Variants in CSMD2 observed in about 807,000 individuals in gnomAD.
CSMD2 encodes the protein CUB and Sushi multiple domains 2.
In CSMD2, 130 loss-of-function variants were observed where a neutral mutation model predicts 398.5. That is an observed-to-expected ratio of 0.33 (90% CI 0.28 to 0.38). CSMD2 has a LOEUF of 0.38. CSMD2 is among the 10% of genes least tolerant of loss of function. The probability of loss-of-function intolerance (pLI) is 1.00; values close to 1 mark genes in which losing one functional copy is unlikely to be tolerated. For missense variants in CSMD2, 3,829 were observed against 4,764.9 expected, an observed-to-expected ratio of 0.80 and a Z score of 5.78; for synonymous variants, 1,828 against 1,908.5, an observed-to-expected ratio of 0.96 and a Z score of 1.10.
chr1:33,654,084 G>C, intron 27 of CSMD2, among the ~76,000 whole-genome samples: 1 of 152,126 alleles, frequency 6.6e-6, no homozygotes, highest in East Asian at 1.9e-4. Flanking sequence ...GGCCATAAGA[G>C]CCCTAATGTG....
At chr1:33,891,627 T>A (rs1265087768) in intron 5 of CSMD2, among the ~76,000 whole-genome samples, 2 of 151,748 alleles carry the variant, frequency 1.3e-5, no homozygotes, top group Non-Finnish European at 2.9e-5. Context: ...TTATTCACAA[T>A]AGCAAAGACT....
In CSMD2 at chr1:34,032,659, G is replaced by A; in HGVS notation, c.452C>T (p.Thr151Ile). 2 of 1,602,942 alleles carry A rather than the reference G, an allele frequency of 1.2e-6. No homozygotes were observed. The highest frequency in any genetic ancestry group is 8.5e-7 in the Non-Finnish European group (1 of 1,174,848). Residue 151 changes from threonine (T) to isoleucine (I), a missense_variant, in exon 3 of 71, where the codon ACC (threonine) becomes ATC (isoleucine). Physicochemically the swap from Thr to Ile is moderately conservative, Grantham distance 89. Coordinates refer to ENST00000373381, the MANE Select transcript of CSMD2 (RefSeq NM_001281956.2). ...GTCGCTGATGAGGCGCAGAGAGAGG[G>A]TGGTGGCTGCACTAACAATGGTGGC... Reference protein sequence around the residue: ...LPATIVSAATTLSLRLISDYA... With the variant: ...LPATIVSAATILSLRLISDYA...
intron 29 of CSMD2, among the ~76,000 whole-genome samples, chr1:33,642,767 C>T (rs1643186649): frequency 6.6e-6 from 1 of 152,100 alleles, no homozygotes; most frequent in Non-Finnish European, 1.5e-5. Context: ...GAGTGGGTTT[C>T]TGTTTCTTGT....
In CSMD2 at chr1:34,089,232, T is replaced by G. The variant is rs12048909; in HGVS notation, c.188-39A>C. ...ATGGAGCAGTTCAGAATAGCCAGAATAACTCCTAGAAGCTTCTAGAGAGTC... is the reference window on the plus strand; with the variant it reads ...ATGGAGCAGTTCAGAATAGCCAGAAGAACTCCTAGAAGCTTCTAGAGAGTC... On this transcript the variant is annotated intron_variant, in intron 1 of 70. Transcript: ENST00000373381. 4.0e-4 allele frequency: 630 copies of G among 1,571,352 alleles called. 2 individuals are homozygous for G. In the East Asian group the frequency reaches 0.011, roughly 27 times the overall value.
chr1:33,693,946 C>G (rs1355012403), intron 24 of CSMD2, among the ~76,000 whole-genome samples: 1 of 152,074 alleles, frequency 6.6e-6, no homozygotes, highest in Non-Finnish European at 1.5e-5. Context: ...GTAATCCCAG[C>G]TACTCAGGAG....
Position 33,636,937 on chromosome 1 carries a change from C to T in CSMD2, c.4775-383G>A, listed in dbSNP as rs292813. ...CACATCTCAGCTGCCGGCAGGGTCACTGTGGTAAAGGTCAGTGCTTAGGTA... is the reference window on the plus strand; with the variant it reads ...CACATCTCAGCTGCCGGCAGGGTCATTGTGGTAAAGGTCAGTGCTTAGGTA... On this transcript the variant is annotated intron_variant, in intron 29 of 70. Transcript: ENST00000373381. This position sits in a 1 kb window ranked among gnomAD's most constrained non-coding sequence, Gnocchi z 4.8. Among the ~76,000 whole-genome samples, 14,884 of 152,172 alleles carry T rather than the reference C, an allele frequency of 0.098. 832 individuals are homozygous for T. Among genetic ancestry groups the T allele is most frequent in the African/African-American group, 0.14 (5,683 of 41,488 alleles).
chr1:33,686,991 T>C (rs895667749), intron 25 of CSMD2, among the ~76,000 whole-genome samples: 1 of 152,210 alleles, frequency 6.6e-6, no homozygotes, highest in African/African-American at 2.4e-5. Context: ...GTGCTTTATA[T>C]ATGTTCACTC....
At chr1:33,714,532 C>G in intron 21 of CSMD2, 55 bp downstream of exon 21, 2 of 1,577,862 alleles carry the variant, frequency 1.3e-6, no homozygotes, top group East Asian at 2.2e-5. Context: ...CATCAATTGA[C>G]TATAATCTGT....
intron 32 of CSMD2, among the ~76,000 whole-genome samples, chr1:33,630,758 A>G (rs567288624): frequency 6.6e-6 from 1 of 152,366 alleles, no homozygotes; most frequent in South Asian, 2.1e-4. Context: ...AGTTTAATGC[A>G]ATAAGAACAA....
intron 1 of CSMD2, among the ~76,000 whole-genome samples, chr1:34,136,888 A>G (rs1638805311): frequency 6.6e-6 from 1 of 152,060 alleles, no homozygotes; most frequent in South Asian, 2.1e-4. Flanking sequence ...TTTCATGGCT[A>G]TAATCTCTAT....
chr1:33,720,523 A>G lies in CSMD2; in HGVS notation c.3001+3674T>C, dbSNP rs1359092000. ...CCATTCCCCTTGCTTGGGGAGACGA[A>G]GTGTTCCAGAGAGAAGAACATTGTA... On this transcript the variant is annotated intron_variant, in intron 19 of 70. Transcript: ENST00000373381. Among the ~76,000 whole-genome samples, 3 of 152,246 alleles carry G rather than the reference A, an allele frequency of 2.0e-5. No homozygotes were observed. In the South Asian group the frequency reaches 6.2e-4, roughly 32 times the overall value.
intron 22 of CSMD2, among the ~76,000 whole-genome samples, chr1:33,707,741 A>T (rs913747266): frequency 1.4e-5 from 2 of 145,676 alleles, no homozygotes; most frequent in Admixed American, 1.4e-4. Context: ...ACACACACAC[A>T]CACCATACAC....
chr1:34,129,107 G>T (rs1663062096), intron 1 of CSMD2, among the ~76,000 whole-genome samples: 1 of 151,986 alleles, frequency 6.6e-6, no homozygotes, highest in Non-Finnish European at 1.5e-5. Context: ...CTGGATGGAG[G>T]CTCCATGGGT....
At chr1:33,908,559 C>T (rs1643262994) in intron 5 of CSMD2, among the ~76,000 whole-genome samples, 1 of 152,266 alleles carries the variant, frequency 6.6e-6, no homozygotes. Context: ...GCTGCCCGAC[C>T]TCAGCTTCCC....
At position 33,873,051 on chromosome 1, in the gene CSMD2, G is replaced by C. The variant is rs375626182; in HGVS notation, c.921-26055C>G. 8.9e-5 allele frequency among the ~76,000 whole-genome samples: 13 copies of C among 145,628 alleles called. 1 individual carries two copies. The highest frequency in any genetic ancestry group is 3.4e-4 in the African/African-American group (12 of 35,276). ...ACCTGCCATTGTATGTTGGGCATAT[G>C]GGGGGCAGATAATTTATCTCCTTAG... On this transcript the variant is annotated intron_variant, in intron 5 of 70. Coordinates refer to ENST00000373381, the MANE Select transcript of CSMD2 (RefSeq NM_001281956.2).
At chr1:33,652,868 C>T (rs949555832) in intron 27 of CSMD2, among the ~76,000 whole-genome samples, 1 of 152,200 alleles carries the variant, frequency 6.6e-6, no homozygotes, top group Non-Finnish European at 1.5e-5. Context: ...CATTCTCCTG[C>T]CTCAGCCTCC....
At chr1:33,717,081 A>G (rs946042365) in intron 19 of CSMD2, among the ~76,000 whole-genome samples, 3 of 152,150 alleles carry the variant, frequency 2.0e-5, no homozygotes, top group Admixed American at 1.3e-4. Context: ...TAACCAGGTA[A>G]GGGAAGGAAG....
At chr1:34,069,448 C>A (rs78120500) in intron 2 of CSMD2, among the ~76,000 whole-genome samples, 2 of 152,314 alleles carry the variant, frequency 1.3e-5, no homozygotes, top group East Asian at 3.9e-4. Context: ...TTGCATACAT[C>A]AGCTCAAAGA....
chr1:33,932,623 T>C (rs1644350305), intron 4 of CSMD2, among the ~76,000 whole-genome samples: 1 of 152,126 alleles, frequency 6.6e-6, no homozygotes, highest in Non-Finnish European at 1.5e-5. Context: ...ACAAAGACAC[T>C]GGGTTGTGAG....
Sources: gnomAD v4.1 joint callset for allele counts (sites outside exome capture counted in the v4.1 genomes callset) on GRCh38, gnomAD v4.1.1 for gene constraint, Gnocchi (gnomAD v3.1) non-coding constraint, MANE v1.5 for transcripts, NCBI Gene and HGNC (gene_info 2026-07-23, HGNC 2026-07-21) for gene names.